The following MALRD1 variants were observed in gnomAD, a reference collection of about 807,000 sequenced individuals.
The protein encoded by MALRD1 is MAM and LDL-receptor class A domain-containing protein 1.
Under a neutral mutation model 242.1 loss-of-function variants are expected in MALRD1, and 247 were observed. The ratio of observed to expected loss-of-function variants is 1.02; its 90% CI spans 0.92 to 1.13. MALRD1 has a LOEUF of 1.13. MALRD1 is among the 50% of genes most tolerant of loss of function. MALRD1 has a pLI of 0.00. For synonymous variants in MALRD1, 995 were observed against 866.6 expected (o/e 1.15, Z -2.60); for missense variants, 2,989 against 2,533.1 (o/e 1.18, Z -3.86).
intron 5 of MALRD1, among the ~76,000 whole-genome samples, chr10:19,112,347 A>G (rs1018529062): frequency 2.0e-5 from 3 of 152,104 alleles, no homozygotes; most frequent in African/African-American, 7.2e-5. Context: ...CATCGGAGAC[A>G]TGCCGTTCAG....
At chr10:19,595,966 A>G (rs1157516583) in intron 34 of MALRD1, among the ~76,000 whole-genome samples, 1 of 152,190 alleles carries the variant, frequency 6.6e-6, no homozygotes, top group East Asian at 1.9e-4. Flanking sequence ...TGCATCCTAG[A>G]GATGTGGGTT....
chr10:19,404,690 T>A (rs531219954), intron 28 of MALRD1, among the ~76,000 whole-genome samples: 3 of 152,258 alleles, frequency 2.0e-5, no homozygotes, highest in African/African-American at 7.2e-5. Flanking sequence ...TTGTTTTATA[T>A]CACTTCACTC....
intron 36 of MALRD1, among the ~76,000 whole-genome samples, chr10:19,623,391 C>T (rs1168569854): frequency 6.6e-6 from 1 of 152,056 alleles, no homozygotes; most frequent in Non-Finnish European, 1.5e-5. Context: ...TATCAGTGTT[C>T]TCCAGAGAAC....
intron 32 of MALRD1, among the ~76,000 whole-genome samples, chr10:19,532,249 C>A (rs1242012893): frequency 2.0e-5 from 3 of 151,822 alleles, no homozygotes; most frequent in Admixed American, 1.3e-4. Context: ...AATCTGATAT[C>A]TTTTTTTTGG....
chr10:19,298,105 G>T (rs1337590568), intron 21 of MALRD1, among the ~76,000 whole-genome samples: 1 of 151,880 alleles, frequency 6.6e-6, no homozygotes, highest in South Asian at 2.1e-4. Flanking sequence ...CATGGTGCCC[G>T]CATCTGCTCA....
intron 18 of MALRD1, among the ~76,000 whole-genome samples, chr10:19,247,803 T>C (rs1170386778): frequency 1.3e-5 from 2 of 152,056 alleles, no homozygotes; most frequent in African/African-American, 4.8e-5. Context: ...GAACAAAATG[T>C]TATTAACAGC....
intron 28 of MALRD1, among the ~76,000 whole-genome samples, chr10:19,397,118 C>G (rs897564604): frequency 6.6e-6 from 1 of 152,178 alleles, no homozygotes; most frequent in East Asian, 1.9e-4. Flanking sequence ...TGAAAATCCT[C>G]TCTGCTAGCT....
intron 2 of MALRD1, among the ~76,000 whole-genome samples, chr10:19,072,187 C>G (rs1451345393): frequency 6.6e-6 from 1 of 152,162 alleles, no homozygotes; most frequent in African/African-American, 2.4e-5. Flanking sequence ...TGTTTGTAAT[C>G]TGAGAAATTT....
intron 36 of MALRD1, among the ~76,000 whole-genome samples, chr10:19,687,857 T>C (rs1362965199): frequency 1.3e-5 from 2 of 152,100 alleles, no homozygotes; most frequent in Non-Finnish European, 2.9e-5. Context: ...ATGGAGAAAA[T>C]CACTGTAACA....
upstream of MALRD1, among the ~76,000 whole-genome samples, chr10:19,048,463 G>T (rs1834393520): frequency 6.6e-6 from 1 of 151,950 alleles, no homozygotes; most frequent in Non-Finnish European, 1.5e-5. Context: ...CTAATAATTG[G>T]GCCTGAAATT....
At chr10:19,268,664 T>A (rs996969631) in intron 19 of MALRD1, among the ~76,000 whole-genome samples, 2 of 152,176 alleles carry the variant, frequency 1.3e-5, no homozygotes, top group African/African-American at 2.4e-5. Context: ...TAATCATATG[T>A]CTAAAGTTGG....
rs551825855 is a variant in MALRD1 at position 19,109,408 on chromosome 10, A to G, written c.694+5333A>G. ...CAGACTGTTTCACACACAAGGATGCATGAGGACTGCTCTATCTCCGGGTCA... is the reference window on the plus strand; with the variant it reads ...CAGACTGTTTCACACACAAGGATGCGTGAGGACTGCTCTATCTCCGGGTCA... On this transcript the variant is annotated intron_variant, in intron 5 of 39. Transcript: ENST00000454679. 3.9e-5 allele frequency among the ~76,000 whole-genome samples: 6 copies of G among 152,286 alleles called. No homozygotes were observed. The East Asian group carries it at 5.8e-4, about 15-fold the overall frequency.
intron 28 of MALRD1, among the ~76,000 whole-genome samples, chr10:19,427,996 T>C (rs982620042): frequency 2.6e-5 from 4 of 152,154 alleles, no homozygotes; most frequent in Non-Finnish European, 5.9e-5. Flanking sequence ...TTTCCTGAGC[T>C]AGAAGCATCA....
chr10:19,566,667 A>G (rs1836270797), intron 32 of MALRD1, among the ~76,000 whole-genome samples: 1 of 150,870 alleles, frequency 6.6e-6, no homozygotes, highest in South Asian at 2.1e-4. Context: ...ATATATAGAG[A>G]TATATAGATA....
intron 36 of MALRD1, among the ~76,000 whole-genome samples, chr10:19,666,180 A>G (rs1468120538): frequency 6.6e-6 from 1 of 152,102 alleles, no homozygotes; most frequent in Non-Finnish European, 1.5e-5. Context: ...ATTGATTTGT[A>G]TCTTTTACCT....
At chr10:19,278,358 G>A (rs1840636664) in intron 19 of MALRD1, among the ~76,000 whole-genome samples, 2 of 151,958 alleles carry the variant, frequency 1.3e-5, no homozygotes, top group South Asian at 2.1e-4. Context: ...TCTGATATAT[G>A]GTTTTCCTCT....
chr10:19,410,604 A>G (rs1326038729), intron 28 of MALRD1, among the ~76,000 whole-genome samples: 7 of 151,856 alleles, frequency 4.6e-5, no homozygotes, highest in Non-Finnish European at 1.0e-4. Flanking sequence ...GTAGAGGTAG[A>G]CAGAAGCTAG....
intron 18 of MALRD1, among the ~76,000 whole-genome samples, chr10:19,228,536 G>A (rs137999757): frequency 6.6e-6 from 1 of 152,290 alleles, no homozygotes; most frequent in African/African-American, 2.4e-5. Flanking sequence ...ATTTTACTGT[G>A]TGTACATTAT....
At chr10:19,307,863 G>A (rs1008679871) in intron 21 of MALRD1, among the ~76,000 whole-genome samples, 1 of 151,378 alleles carries the variant, frequency 6.6e-6, no homozygotes, top group Admixed American at 6.6e-5. Context: ...ACATATTTAT[G>A]GGGTACATGG....
Sources: gnomAD v4.1 joint callset for allele counts (sites outside exome capture counted in the v4.1 genomes callset) on GRCh38, gnomAD v4.1.1 for gene constraint, MANE v1.5 for transcripts, NCBI Gene and HGNC (gene_info 2026-07-23, HGNC 2026-07-21) for gene names.